The following CENPE variants were observed in gnomAD, a reference collection of about 807,000 sequenced individuals.
The protein encoded by CENPE is centromere protein E.
In CENPE, 145 loss-of-function variants were observed where a neutral mutation model predicts 336.1. That is an observed-to-expected ratio of 0.43 (90% CI 0.38 to 0.50). CENPE has a LOEUF of 0.50. Ranked by LOEUF, CENPE falls within the 20% of genes least tolerant of loss-of-function variation. The pLI, the probability that CENPE is intolerant of heterozygous loss-of-function variation, is 0.00. For synonymous variants in CENPE, 1,013 were observed against 984.8 expected, an observed-to-expected ratio of 1.03 and a Z score of -0.54; for missense variants, 2,719 against 3,023.3, an observed-to-expected ratio of 0.90 and a Z score of 2.36.
At chr4:103,176,091 C>A in intron 14 of CENPE, 43 bp from the exon 15 acceptor site, 1 of 1,195,426 alleles carries the variant, frequency 8.4e-7, no homozygotes, top group Non-Finnish European at 1.2e-6. Flanking sequence ...AACATGTTTA[C>A]CAAATTTCCT....
At position 103,182,792 on chromosome 4, in the gene CENPE, T is replaced by C. The variant is rs1248183480; in HGVS notation, c.933A>G (p.Val311=). 6.2e-7 allele frequency: 1 copy of C among 1,612,178 alleles called. No individual in the cohort carries two copies. Among genetic ancestry groups the C allele is most frequent in the Non-Finnish European group, 8.5e-7 (1 of 1,178,908 alleles). ...GAGCAGTAAGTGTTTCATCAAAAGATACTGGAGTAATTGTGCAGATAATAC... is the reference window on the plus strand; with the variant it reads ...GAGCAGTAAGTGTTTCATCAAAAGACACTGGAGTAATTGTGCAGATAATAC... ...KTRIICTITP[V]SFDETLTALQ... Residue 311 remains valine, a synonymous_variant, in exon 11 of 49, where the codon GTA becomes GTG. Coordinates refer to ENST00000265148, the MANE Select transcript of CENPE (RefSeq NM_001813.3).
intron 12 of CENPE, 106 bp from the exon 13 acceptor site, chr4:103,180,575 GA>G: frequency 1.5e-6 from 1 of 677,522 alleles, no homozygotes; most frequent in Non-Finnish European, 2.3e-6. Context: ...TGAACTATAA[GA>G]ATTTTAATTT....
Position 103,123,021 on chromosome 4 carries a change from G to T in CENPE, c.6993C>A (p.Asp2331Glu), listed in dbSNP as rs1462026475. 2.5e-6 allele frequency: 4 copies of T among 1,613,726 alleles called. No homozygotes were observed. In the African/African-American group the frequency reaches 5.3e-5, roughly 22 times the overall value. Residue 2331 changes from aspartate to glutamate, a missense_variant, in exon 43 of 49, where the codon GAC becomes GAA. Physicochemically the swap from Asp to Glu is conservative, Grantham distance 45 (BLOSUM62 2). Coordinates refer to ENST00000265148, the MANE Select transcript of CENPE (RefSeq NM_001813.3). ...SATISKEWEQ[D>E]LKSLKEKNEK... ...CATTTTTCTCTTTCAGTGATTTCAGGTCCTGTTCCCACTCTTTGGATATGG... is the reference window on the plus strand; with the variant it reads ...CATTTTTCTCTTTCAGTGATTTCAGTTCCTGTTCCCACTCTTTGGATATGG...
rs1578629415 is a variant in CENPE, at chr4:103,158,526, A to G, written c.2875-68T>C. 4.8e-5 allele frequency: 73 copies of G among 1,510,108 alleles called. No individual in the cohort carries two copies. The East Asian group carries it at 1.6e-3, about 33-fold the overall frequency. The allele number at this position is 1,510,108 out of a possible 1,614,324, so 93.5% of individuals were successfully genotyped here. A position where few individuals can be genotyped will look rare whatever the true frequency, so the allele number is the denominator to read the frequency against. On this transcript the variant is annotated intron_variant, in intron 23 of 48. Coordinates refer to ENST00000265148, the MANE Select transcript of CENPE (RefSeq NM_001813.3). ...AACAAAATTATTTTGTAGCTACTAC[A>G]TAACATAATCATAAATAATAAATGA...
intron 9 of CENPE, among the ~76,000 whole-genome samples, chr4:103,184,336 G>C (rs924180350): frequency 6.6e-6 from 1 of 152,184 alleles, no homozygotes; most frequent in Non-Finnish European, 1.5e-5. Flanking sequence ...GCAGGTGCAA[G>C]CTAAACCATT....
intron 42 of CENPE, 52 bp from the exon 43 acceptor site, chr4:103,123,141 C>A: frequency 7.8e-7 from 1 of 1,280,602 alleles, no homozygotes; most frequent in African/African-American, 1.5e-5. Flanking sequence ...ATAGTAGTCC[C>A]CACTTACCTG....
At chr4:103,131,751 G>A (rs908317405) in intron 42 of CENPE, among the ~76,000 whole-genome samples, 6 of 152,044 alleles carry the variant, frequency 3.9e-5, no homozygotes, top group Non-Finnish European at 8.8e-5. Context: ...ACACACAATG[G>A]AATATTATTC....
intron 43 of CENPE, among the ~76,000 whole-genome samples, chr4:103,121,549 CTTTTTTTTTT>C (rs11454081): frequency 7.4e-6 from 1 of 135,918 alleles, no homozygotes; most frequent in Non-Finnish European, 1.6e-5. Context: ...TTCTTTCTTT[CTTTTTTTTTT>C]TTTTTTTGAG....
At chr4:103,135,547 C>T (rs189096511) in intron 40 of CENPE, among the ~76,000 whole-genome samples, 2 of 152,154 alleles carry the variant, frequency 1.3e-5, no homozygotes, top group Non-Finnish European at 2.9e-5. Flanking sequence ...TCTCGTTTGT[C>T]CTCTCCAGCC....
At chr4:103,143,700 A>T (rs1752758028) in intron 33 of CENPE, among the ~76,000 whole-genome samples, 1 of 152,166 alleles carries the variant, frequency 6.6e-6, no homozygotes, top group Non-Finnish European at 1.5e-5. Flanking sequence ...CCAGTCCCTT[A>T]CCAATGGATG....
At chr4:103,196,315 A>T in intron 2 of CENPE, 63 bp from the exon 3 acceptor site, 1 of 1,184,216 alleles carries the variant, frequency 8.4e-7, no homozygotes, top group South Asian at 1.2e-5. Flanking sequence ...CTGTGTTTTC[A>T]TTCCAAATTA....
Position 103,149,376 on chromosome 4 carries a change from A to C in CENPE, c.3429T>G (p.Leu1143=), listed in dbSNP as rs1372040178. ...CACTCATCTCTTCTTGTACATTAAGAAGTTGTTGCTGTTTTTCTTGGAGTT... is the reference window on the plus strand; with the variant it reads ...CACTCATCTCTTCTTGTACATTAAGCAGTTGTTGCTGTTTTTCTTGGAGTT... ...SQQLQEKQQQ[L]LNVQEEMSEM... The change falls in exon 27 of 49, where the codon CTT becomes CTG. Residue 1143 remains leucine, a synonymous_variant. Coordinates refer to ENST00000265148, the MANE Select transcript of CENPE (RefSeq NM_001813.3). 3.2e-6 allele frequency: 5 copies of C among 1,576,232 alleles called. No individual in the cohort carries two copies. Among genetic ancestry groups the C allele is most frequent in the Non-Finnish European group, 4.3e-6 (5 of 1,167,462 alleles).
intron 42 of CENPE, among the ~76,000 whole-genome samples, chr4:103,123,300 C>A (rs1425785397): frequency 6.6e-6 from 1 of 152,134 alleles, no homozygotes; most frequent in Non-Finnish European, 1.5e-5. Flanking sequence ...CCTGCTCAGT[C>A]CTGCCTGGGA....
At chr4:103,124,503 T>C (rs1215968843) in intron 42 of CENPE, among the ~76,000 whole-genome samples, 1 of 152,238 alleles carries the variant, frequency 6.6e-6, no homozygotes, top group Non-Finnish European at 1.5e-5. Context: ...TTAACTGATA[T>C]CTAATAGCAG....
rs764698050 is a variant in CENPE at position 103,180,359 on chromosome 4, T to C, written c.1194A>G (p.Thr398=). 3.7e-5 allele frequency: 60 copies of C among 1,613,260 alleles called. No homozygotes were observed. In the Middle Eastern group the frequency reaches 4.9e-4, roughly 13 times the overall value. Residue 398 remains threonine, a synonymous_variant, in exon 13 of 49, where the codon ACA becomes ACG. Transcript: ENST00000265148. ...GGGAAGAAGAGGTCACCAGCATCCG[T>C]GTTAAGTTTTCAATTTTCTCATTCT... ...KVQNEKIENL[T]RMLVTSSSLT... is the part of the protein sequence containing the mutation.
chr4:103,184,075 A>G (rs537810552), intron 9 of CENPE, among the ~76,000 whole-genome samples: 1 of 152,368 alleles, frequency 6.6e-6, no homozygotes, highest in Admixed American at 6.5e-5. Flanking sequence ...ATACAAAAAA[A>G]ATTGTAAAAA....
In CENPE at chr4:103,196,270, C is replaced by G. The variant is rs755518480; in HGVS notation, c.149-18G>C. On this transcript the variant is annotated intron_variant, in intron 2 of 48. Coordinates refer to ENST00000265148, the MANE Select transcript of CENPE (RefSeq NM_001813.3). ...GACACGATCTAAACAACAACAACAA[C>G]AACAACAACACAGAAGTTAAATCAA... 6.4e-7 allele frequency: 1 copy of G among 1,560,198 alleles called. No homozygotes were observed. The highest frequency in any genetic ancestry group is 8.8e-7 in the Non-Finnish European group (1 of 1,133,182).
rs374339336 is a variant in CENPE at position 103,181,488 on chromosome 4, C to A, written c.964-32G>T. The A allele has an allele frequency of 1.8e-5, 27 of 1,518,620 alleles. No individual in the cohort carries two copies. In the African/African-American group the frequency reaches 3.6e-4, roughly 20 times the overall value. 94.1% of individuals were successfully genotyped at this position (1,518,620 alleles called of 1,614,324 possible). A position where few individuals can be genotyped will look rare whatever the true frequency, so the allele number is the denominator to read the frequency against. On this transcript the variant is annotated intron_variant, in intron 11 of 48. Transcript: ENST00000265148. The stretch of plus-strand genomic sequence containing the variant: ...AAAAAATACGAAAGTGCTAAGTGTT[C>A]AACACTTAAAAAAATTCGAATTTAA...
intron 22 of CENPE, 45 bp from the exon 23 acceptor site, chr4:103,158,931 G>A: frequency 6.4e-7 from 1 of 1,562,012 alleles, no homozygotes; most frequent in South Asian, 1.2e-5. Context: ...AAGCAGAGCA[G>A]TCTGAGGCAT....
Sources: allele counts gnomAD v4.1 joint callset (sites outside exome capture counted in the v4.1 genomes callset), GRCh38; gene constraint gnomAD v4.1.1; transcripts MANE v1.5; gene names NCBI Gene and HGNC (gene_info 2026-07-23, HGNC 2026-07-21).